The following TEDC1 variants were observed in gnomAD, a reference collection of about 807,000 sequenced individuals.
TEDC1 encodes the protein tubulin epsilon and delta complex protein 1.
TEDC1 carries 54 observed loss-of-function variants against 59.9 expected under a neutral mutation model. The observed-to-expected ratio is 0.90, with a 90% CI of 0.72 to 1.13. The LOEUF is 1.13. Ranked by LOEUF, TEDC1 falls within the 50% of genes most tolerant of loss-of-function variation. The pLI, the probability that TEDC1 is intolerant of heterozygous loss-of-function variation, is 0.00. For synonymous variants in TEDC1, 353 were observed against 298.1 expected (o/e 1.18, Z -1.90); for missense variants, 734 against 683.4 (o/e 1.07, Z -0.83).
At position 105,498,665 on chromosome 14, in the gene TEDC1, T is replaced by C. The variant is rs1555441011; in HGVS notation, c.1207T>C (p.Ser403Pro). ...GPEWSAARRA[S>P]REAVEKELGA... ...AGAGTGGAGTGCCGCGCGGCGGGCC[T>C]CTCGGGAGGCTGTGGAAAAGGAGCT... The change falls in exon 9 of 9, where the codon TCT (serine) becomes CCT (proline). Residue 403 changes from serine to proline, a missense_variant. By Grantham distance (74) the Ser-to-Pro change is moderately conservative. Coordinates refer to ENST00000392523, the MANE Select transcript of TEDC1 (RefSeq NM_001367178.1). The C allele has an allele frequency of 1.3e-6, 2 of 1,554,014 alleles. No individual in the cohort carries two copies. The highest frequency in any genetic ancestry group is 4.8e-5 in the East Asian group (2 of 41,322).
intron 5 of TEDC1, 120 bp downstream of exon 5, chr14:105,494,053 T>C: frequency 1.3e-6 from 1 of 750,352 alleles, no homozygotes; most frequent in Non-Finnish European, 2.2e-6. Context: ...GCGGTGGGTG[T>C]CTCTGCATGT....
At position 105,498,896 on chromosome 14, in the gene TEDC1, C is replaced by T. The variant is rs1305793285; in HGVS notation, c.1438C>T (p.Leu480=). The change falls in exon 9 of 9, where the codon CTG becomes TTG. Residue 480 remains leucine (L), a synonymous_variant. Coordinates refer to ENST00000392523, the MANE Select transcript of TEDC1 (RefSeq NM_001367178.1). The part of the protein sequence containing the change: ...QGQCRQELAR[L]VGARPGLIWI... Reference sequence around the variant, plus strand: ...ACAGTGTCGGCAGGAACTGGCCAGGCTGGTGGGAGCCCGCCCTGGTCTCAT... The same window carrying T: ...ACAGTGTCGGCAGGAACTGGCCAGGTTGGTGGGAGCCCGCCCTGGTCTCAT... 1.2e-5 allele frequency: 20 copies of T among 1,611,486 alleles called. No individual in the cohort carries two copies. Among genetic ancestry groups the T allele is most frequent in the South Asian group, 5.5e-5 (5 of 90,782 alleles).
At position 105,496,053 on chromosome 14, in the gene TEDC1, C is replaced by A. The variant is rs983436624; in HGVS notation, c.858C>A (p.Ala286=). 3 of 1,547,970 alleles carry A rather than the reference C, an allele frequency of 1.9e-6. No homozygotes were observed. The highest frequency in any genetic ancestry group is 2.4e-5 in the East Asian group (1 of 40,824). The change falls in exon 6 of 9, where the codon GCC becomes GCA. Residue 286 remains alanine, a synonymous_variant. Transcript: ENST00000392523. ...CAGCACCCTTGGATCCTGGTGGGGC[C>A]TCAGCCTGCAGCCTGCTCTCCCCTT... ...DWAAPLDPGG[A]SACSLLSPFR... is the part of the protein sequence containing the mutation.
chr14:105,498,827 A>AGCCAGGAGGCCTGCCTGGAGGCGGT lies in TEDC1; in HGVS notation c.1372_1396dup (p.Leu466ProfsTer114). The AGCCAGGAGGCCTGCCTGGAGGCGGT allele has an allele frequency of 6.2e-7, 1 of 1,606,370 alleles. No homozygotes were observed. Among genetic ancestry groups the AGCCAGGAGGCCTGCCTGGAGGCGGT allele is most frequent in the Non-Finnish European group, 8.5e-7 (1 of 1,177,544 alleles). ...AGCTGTGGTGATCAGGACGCTGAGG[A>AGCCAGGAGGCCTGCCTGGAGGCGGT]GCCAGGAGGCCTGCCTGGAGGCGGT... On this transcript the variant is annotated frameshift_variant, in exon 9 of 9. Coordinates refer to ENST00000392523, the MANE Select transcript of TEDC1 (RefSeq NM_001367178.1). LOFTEE classifies it high-confidence loss of function.
rs1490744799 is a variant in TEDC1, at chr14:105,497,326, G to A, written c.892-31G>A. The A allele has an allele frequency of 3.9e-6, 6 of 1,546,244 alleles. No individual in the cohort carries two copies. The African/African-American group carries it at 6.8e-5, about 18-fold the overall frequency. ...TGTCTGTCCATGGGGTCCCGTGTGAGGTTCTAGGCCAGCTGCCGTTTGCCT... is the reference window on the plus strand; with the variant it reads ...TGTCTGTCCATGGGGTCCCGTGTGAAGTTCTAGGCCAGCTGCCGTTTGCCT... On this transcript the variant is annotated intron_variant, in intron 6 of 8. Coordinates refer to ENST00000392523, the MANE Select transcript of TEDC1 (RefSeq NM_001367178.1).
At chr14:105,492,003 G>A in intron 2 of TEDC1, 104 bp from the exon 3 acceptor site, 4 of 1,197,670 alleles carry the variant, frequency 3.3e-6, no homozygotes, top group South Asian at 2.7e-5. Flanking sequence ...TCTGAACTAG[G>A]CCTTGAGCTT....
rs2084243564 is a variant in TEDC1, at chr14:105,492,671, G to A, written c.522G>A (p.Lys174=). 6.5e-7 allele frequency: 1 copy of A among 1,544,922 alleles called. No homozygotes were observed. Among genetic ancestry groups the A allele is most frequent in the Non-Finnish European group, 8.7e-7 (1 of 1,146,910 alleles). ...GCCATGTGCAGTGGCTGATGGGAAA[G>A]CTGCGGTTCCGGTGGCGCCAGCTGG... ...DVRHVQWLMG[K]LRFRWRQLVS... The change falls in exon 4 of 9, where the codon AAG becomes AAA. Residue 174 remains lysine, a synonymous_variant. Transcript: ENST00000392523.
rs1555441056 is a variant in TEDC1, at chr14:105,498,779, G to T, written c.1321G>T (p.Ala441Ser). 6.4e-7 allele frequency: 1 copy of T among 1,573,760 alleles called. No individual in the cohort carries two copies. Among genetic ancestry groups the T allele is most frequent in the African/African-American group, 1.3e-5 (1 of 74,410 alleles). The change falls in exon 9 of 9, where the codon GCA becomes TCA. Residue 441 changes from alanine (A) to serine (S), a missense_variant. Ala to Ser is a moderately conservative substitution (Grantham distance 99). Transcript: ENST00000392523. Reference sequence around the variant, plus strand: ...GCTGGTGAGACGAGAGGATGGGGCAGCAGGGGACCGGGACCTGCGGGCAGC... The same window carrying T: ...GCTGGTGAGACGAGAGGATGGGGCATCAGGGGACCGGGACCTGCGGGCAGC... ...HRLVRREDGA[A>S]GDRDLRAAVV...
Position 105,492,555 on chromosome 14 carries a change from GGCCTGACCCTT to G in TEDC1, c.430-20_430-10del, listed in dbSNP as rs2084240686. On this transcript the variant is annotated splice_polypyrimidine_tract_variant and intron_variant, in intron 3 of 8. Transcript: ENST00000392523. ...GGGGGGCAGGGTGGGGTGGGAGCAG[GGCCTGACCCTT>G]GCCCCTCTCCAGTGTGAGGCCCTGG... 50 of 1,534,676 alleles carry G rather than the reference GGCCTGACCCTT, an allele frequency of 3.3e-5. No homozygotes were observed. The highest frequency in any genetic ancestry group is 4.4e-5 in the Non-Finnish European group (50 of 1,145,924).
chr14:105,493,623 C>T (rs987257538), intron 4 of TEDC1, among the ~76,000 whole-genome samples: 7 of 152,092 alleles, frequency 4.6e-5, no homozygotes, highest in East Asian at 1.9e-4. Flanking sequence ...AATTGCCTGG[C>T]GCCCCCTTGC....
At position 105,499,229 on chromosome 14, in the gene TEDC1, C is replaced by T. The variant is rs587764300; in HGVS notation, c.*283C>T. 11 of 525,392 alleles carry T rather than the reference C, an allele frequency of 2.1e-5. No individual in the cohort carries two copies. The highest frequency in any genetic ancestry group is 9.8e-5 in the East Asian group (3 of 30,606). The allele number at this position is 525,392 out of a possible 1,614,324, so 32.5% of individuals were successfully genotyped here. ...AAATAAATTGTAGCAGCTTTCCTGC[C>T]GCTGGCCCTCCCCCTGCCACCCTGT... On this transcript the variant is annotated 3_prime_UTR_variant, in exon 9 of 9. Transcript: ENST00000392523.
At chr14:105,493,735 G>C in intron 4 of TEDC1, 100 bp from the exon 5 acceptor site, 2 of 788,068 alleles carry the variant, frequency 2.5e-6, no homozygotes, top group South Asian at 1.5e-5. Context: ...TCATCTGGGA[G>C]GTGGGCTCTG....
chr14:105,497,566 T>C (rs1555440691), intron 7 of TEDC1, 123 bp downstream of exon 7: 4 of 1,247,512 alleles, frequency 3.2e-6, no homozygotes, highest in Non-Finnish European at 3.3e-6. Flanking sequence ...ACAGACCTAG[T>C]GTAGGCTCTT....
upstream of TEDC1, chr14:105,490,887 C>A: frequency 1.2e-6 from 1 of 862,882 alleles, no homozygotes; most frequent in South Asian, 1.5e-5. Context: ...GGGCGTGAGG[C>A]GCTGATGGGT....
In TEDC1 at chr14:105,497,457, CGCATCCCTCTCCCG is replaced by C. The variant is rs1567076294; in HGVS notation, c.978+23_978+36del. On this transcript the variant is annotated intron_variant, in intron 7 of 8. Transcript: ENST00000392523. ...TGGCGGTGGATGGTGAGGAAGCCCG[CGCATCCCTCTCCCG>C]GCATCCCTTCCCACAGCAGCCCCCA... 6.5e-7 allele frequency: 1 copy of C among 1,542,398 alleles called. No individual in the cohort carries two copies.
chr14:105,495,714 G>T, intron 5 of TEDC1, 166 bp from the exon 6 acceptor site: 2 of 630,388 alleles, frequency 3.2e-6, no homozygotes, highest in Non-Finnish European at 5.5e-6. Flanking sequence ...CTGGGTTGGG[G>T]CAGAGGAGAG....
chr14:105,490,955 C>A, upstream of TEDC1: 1 of 1,356,728 alleles, frequency 7.4e-7, no homozygotes, highest in Non-Finnish European at 1.0e-6. Flanking sequence ...CAAGGGCGGA[C>A]TCTGCGGTGT....
chr14:105,492,649 A>G lies in TEDC1; in HGVS notation c.500A>G (p.His167Arg). Residue 167 changes from histidine to arginine, a missense_variant, in exon 4 of 9, where the codon CAT becomes CGT. Physicochemically the swap from His to Arg is conservative, Grantham distance 29. Coordinates refer to ENST00000392523, the MANE Select transcript of TEDC1 (RefSeq NM_001367178.1). ...GCAGAGGGTCCTGTGGATGTCCGCC[A>G]TGTGCAGTGGCTGATGGGAAAGCTG... ...MEAEGPVDVR[H>R]VQWLMGKLRF... 1.3e-6 allele frequency: 2 copies of G among 1,544,678 alleles called. No homozygotes were observed. Among genetic ancestry groups the G allele is most frequent in the Non-Finnish European group, 1.7e-6 (2 of 1,146,872 alleles).
chr14:105,495,121 C>T (rs782334417), intron 5 of TEDC1: 43 of 152,686 alleles, frequency 2.8e-4, no homozygotes, highest in Middle Eastern at 3.4e-3. Context: ...GATCCACCTG[C>T]CTCGACCTCC....
Sources: allele counts gnomAD v4.1 joint callset (sites outside exome capture counted in the v4.1 genomes callset), GRCh38; gene constraint gnomAD v4.1.1; transcripts MANE v1.5; gene names NCBI Gene and HGNC (gene_info 2026-07-23, HGNC 2026-07-21).